The following ABI1 variants were observed in gnomAD, a reference collection of about 807,000 sequenced individuals.
ABI1 encodes the protein abl interactor 1.
ABI1 carries 14 observed loss-of-function variants against 54.6 expected under a neutral mutation model. That is an observed-to-expected ratio of 0.26 (90% CI 0.17 to 0.40). The LOEUF (loss-of-function observed/expected upper bound fraction) is 0.40. Ranked by LOEUF, ABI1 falls within the 10% of genes least tolerant of loss-of-function variation. The pLI is 1.00. For missense variants in ABI1, 443 were observed against 598.3 expected (o/e 0.74, Z 2.71); for synonymous variants, 194 against 209.3 (o/e 0.93, Z 0.63).
At chr10:26,749,348 T>G (rs11015264) in intron 10 of ABI1, among the ~76,000 whole-genome samples, 9,399 of 152,312 alleles carry the variant, frequency 0.062, 315 homozygotes, top group Middle Eastern at 0.12. Context: ...AACCCTTATC[T>G]GAAATGCCTG....
In ABI1 at chr10:26,860,654, AG is replaced by A; in HGVS notation, c.117+92del. ...GGGCTCGGGTTGGTGGCAGCCGCTG[AG>A]GTCAGGGCAGTTCCCCACCCCGCCC... On this transcript the variant is annotated intron_variant, in intron 1 of 10. Coordinates refer to ENST00000376140, the MANE Select transcript of ABI1 (RefSeq NM_001012750.3). This position sits in a 1 kb window ranked among gnomAD's most constrained non-coding sequence, Gnocchi z 4.1. 1 of 979,420 alleles carries A rather than the reference AG, an allele frequency of 1.0e-6. No homozygotes were observed. Among genetic ancestry groups the A allele is most frequent in the Non-Finnish European group, 1.6e-6 (1 of 621,464 alleles). 60.7% of individuals were successfully genotyped at this position (979,420 alleles called of 1,614,324 possible). A position where few individuals can be genotyped will look rare whatever the true frequency, so the allele number is the denominator to read the frequency against.
intron 2 of ABI1, among the ~76,000 whole-genome samples, chr10:26,818,343 GCA>G (rs2047721852): frequency 6.6e-6 from 1 of 151,412 alleles, no homozygotes; most frequent in Non-Finnish European, 1.5e-5. Flanking sequence ...TAATGGCTAG[GCA>G]CAGTGGCTCA....
intron 10 of ABI1, among the ~76,000 whole-genome samples, chr10:26,749,509 T>G (rs1437923226): frequency 1.3e-5 from 2 of 152,192 alleles, no homozygotes; most frequent in Non-Finnish European, 2.9e-5. Context: ...GTAATTTTAT[T>G]TTTCCCTTGG....
At position 26,746,837 on chromosome 10, in the gene ABI1, A is replaced by AAAT; in HGVS notation, c.*1730_*1732dup. On this transcript the variant is annotated 3_prime_UTR_variant, in exon 11 of 11. Transcript: ENST00000376140. ...TTTACCGTAGGAGTAAAGGTCAGAAAAATGTGAAGTCTGCATTGAAGTCCA... is the reference window on the plus strand; with the variant it reads ...TTTACCGTAGGAGTAAAGGTCAGAAAAATAATGTGAAGTCTGCATTGAAGTCCA... 2.7e-6 allele frequency: 1 copy of AAAT among 371,192 alleles called. No individual in the cohort carries two copies. Among genetic ancestry groups the AAAT allele is most frequent in the South Asian group, 3.0e-5 (1 of 33,722 alleles). 23.0% of individuals were successfully genotyped at this position (371,192 alleles called of 1,614,324 possible).
At chr10:26,801,638 T>C (rs1486718310) in intron 2 of ABI1, among the ~76,000 whole-genome samples, 1 of 152,120 alleles carries the variant, frequency 6.6e-6, no homozygotes, top group Non-Finnish European at 1.5e-5. Context: ...CTGTTCAAAA[T>C]AAAAAGCTCT....
chr10:26,841,594 C>G (rs2049508761), intron 1 of ABI1, among the ~76,000 whole-genome samples: 1 of 152,092 alleles, frequency 6.6e-6, no homozygotes, highest in African/African-American at 2.4e-5. Context: ...TCCCATTCCC[C>G]ACCCACTTGC....
intron 2 of ABI1, among the ~76,000 whole-genome samples, chr10:26,799,568 C>T (rs1300855757): frequency 6.6e-6 from 1 of 152,142 alleles, no homozygotes; most frequent in Non-Finnish European, 1.5e-5. Context: ...TAAAAATAGG[C>T]TTAGAACAGT....
chr10:26,826,059 T>C (rs902058568), intron 1 of ABI1, among the ~76,000 whole-genome samples: 1 of 152,220 alleles, frequency 6.6e-6, no homozygotes, highest in Non-Finnish European at 1.5e-5. Context: ...ATTACTAATG[T>C]TCCTAATGGC....
In ABI1 at chr10:26,748,669, T is replaced by C. The variant is rs779266640; in HGVS notation, c.1347A>G (p.Ile449Met). Reference sequence around the variant, plus strand: ...CATACCAGCCATCATCATTCTTCTTTATAACATAAATGATTGCACCCTCCA... The same window carrying C: ...CATACCAGCCATCATCATTCTTCTTCATAACATAAATGATTGCACCCTCCA... Reference protein sequence around the residue: ...SFMEGAIIYVIKKNDDGWYEG... With the variant: ...SFMEGAIIYVMKKNDDGWYEG... Residue 449 changes from isoleucine (I) to methionine (M), a missense_variant, in exon 11 of 11, where the codon ATA becomes ATG. By Grantham distance (10) the Ile-to-Met change is conservative (BLOSUM62 1). Transcript: ENST00000376140. The C allele has an allele frequency of 6.8e-6, 11 of 1,613,392 alleles. No individual in the cohort carries two copies. The highest frequency in any genetic ancestry group is 2.5e-6 in the Non-Finnish European group (3 of 1,179,656).
chr10:26,848,200 C>CGAA (rs2050125476), intron 1 of ABI1, among the ~76,000 whole-genome samples: 1 of 78,690 alleles, frequency 1.3e-5, no homozygotes, highest in Non-Finnish European at 2.5e-5. Flanking sequence ...GACCCTGTCT[C>CGAA]AAAAAAAAAA....
At chr10:26,801,104 A>G (rs919000041) in intron 2 of ABI1, among the ~76,000 whole-genome samples, 1 of 151,216 alleles carries the variant, frequency 6.6e-6, no homozygotes, top group African/African-American at 2.4e-5. Context: ...AATGTTTCTG[A>G]ACTGGATCCT....
At chr10:26,750,410 C>T (rs1837466914) in intron 10 of ABI1, among the ~76,000 whole-genome samples, 1 of 152,294 alleles carries the variant, frequency 6.6e-6, no homozygotes, top group East Asian at 1.9e-4. Flanking sequence ...AGGAGAATTG[C>T]TGGAACCTGG....
intron 2 of ABI1, among the ~76,000 whole-genome samples, chr10:26,799,754 GA>G (rs2046422325): frequency 6.6e-6 from 1 of 152,052 alleles, no homozygotes; most frequent in South Asian, 2.1e-4. Context: ...AAAACCCAAA[GA>G]ATTTTTCAAT....
intron 9 of ABI1, among the ~76,000 whole-genome samples, chr10:26,753,009 G>A (rs1837830218): frequency 6.6e-6 from 1 of 152,038 alleles, no homozygotes; most frequent in Non-Finnish European, 1.5e-5. Context: ...AAAGAAATCA[G>A]CCATAATCTA....
At position 26,835,777 on chromosome 10, in the gene ABI1, ATT is replaced by A. The variant is rs71281567; in HGVS notation, c.118-12474_118-12473del. The stretch of plus-strand genomic sequence containing the variant: ...AAGGGAAAAAAATATTTTTACTAAT[ATT>A]TTTTTTTTTTTTTTGAGACTGGGTC... On this transcript the variant is annotated intron_variant, in intron 1 of 10. Coordinates refer to ENST00000376140, the MANE Select transcript of ABI1 (RefSeq NM_001012750.3). 4.0e-3 allele frequency among the ~76,000 whole-genome samples: 576 copies of A among 144,380 alleles called. 5 individuals carry two copies. The highest frequency in any genetic ancestry group is 0.031 in the East Asian group (155 of 5,030). 94.7% of individuals were successfully genotyped at this position (144,380 alleles called of 152,430 possible).
intron 2 of ABI1, among the ~76,000 whole-genome samples, chr10:26,796,810 C>T (rs1038760021): frequency 1.3e-5 from 2 of 152,188 alleles, no homozygotes; most frequent in African/African-American, 2.4e-5. Flanking sequence ...ATTTTCCACG[C>T]ACTGGGGAGA....
chr10:26,856,920 C>T (rs981282589), intron 1 of ABI1, among the ~76,000 whole-genome samples: 1 of 152,124 alleles, frequency 6.6e-6, no homozygotes, highest in Non-Finnish European at 1.5e-5. Context: ...ACTGGCTAAA[C>T]ATGTGTGTTC....
At position 26,746,653 on chromosome 10, in the gene ABI1, G is replaced by A; in HGVS notation, c.*1917C>T. 1.6e-6 allele frequency: 1 copy of A among 621,564 alleles called. No individual in the cohort carries two copies. Among genetic ancestry groups the A allele is most frequent in the Non-Finnish European group, 2.8e-6 (1 of 355,110 alleles). 38.5% of individuals were successfully genotyped at this position (621,564 alleles called of 1,614,324 possible). A position where few individuals can be genotyped will look rare whatever the true frequency, so the allele number is the denominator to read the frequency against. On this transcript the variant is annotated 3_prime_UTR_variant, in exon 11 of 11. Coordinates refer to ENST00000376140, the MANE Select transcript of ABI1 (RefSeq NM_001012750.3). ...AGTTTTTTCAGAAAACTTTTTAAAT[G>A]TAATTAATAAACCACCTGAATCTGT...
intron 7 of ABI1, among the ~76,000 whole-genome samples, chr10:26,761,671 C>CACACAG (rs1839243737): frequency 8.3e-6 from 1 of 120,186 alleles, no homozygotes; most frequent in Non-Finnish European, 1.7e-5. Flanking sequence ...TACACACACA[C>CACACAG]ATACACATAT....
Sources: allele counts gnomAD v4.1 joint callset (sites outside exome capture counted in the v4.1 genomes callset), GRCh38; gene constraint gnomAD v4.1.1; non-coding constraint Gnocchi (gnomAD v3.1); transcripts MANE v1.5; gene names NCBI Gene and HGNC (gene_info 2026-07-23, HGNC 2026-07-21).